The following EPHX2 variants were observed in gnomAD, a reference collection of about 807,000 sequenced individuals.
EPHX2 encodes epoxide hydrolase 2, also known as bifunctional epoxide hydrolase 2.
In EPHX2, 74 loss-of-function variants were observed where a neutral mutation model predicts 78.7. The observed-to-expected ratio is 0.94, with a 90% CI of 0.78 to 1.14. EPHX2 has a LOEUF of 1.14. EPHX2 is among the 50% of genes most tolerant of loss of function. The probability of loss-of-function intolerance (pLI) is 0.00; values close to 1 mark genes in which losing one functional copy is unlikely to be tolerated. For missense variants in EPHX2, 715 were observed against 702.5 expected (o/e 1.02, Z -0.20); for synonymous variants, 251 against 255.2 (o/e 0.98, Z 0.16).
Position 27,505,101 on chromosome 8 carries a change from G to T in EPHX2, c.492G>T (p.Gln164His). 6.2e-7 allele frequency: 1 copy of T among 1,614,110 alleles called. No homozygotes were observed. The highest frequency in any genetic ancestry group is 8.5e-7 in the Non-Finnish European group (1 of 1,180,014). ...CQVGMVKPEP[Q>H]IYKFLLDTLK... ...TGGGAATGGTCAAACCTGAACCTCA[G>T]ATCTACAAGTTTCTGCTGGACACCC... The change falls in exon 4 of 19, where the codon CAG becomes CAT. Residue 164 changes from glutamine (Q) to histidine (H), a missense_variant. By Grantham distance (24) the Gln-to-His change is conservative. Coordinates refer to ENST00000521400, the MANE Select transcript of EPHX2 (RefSeq NM_001979.6).
At chr8:27,538,847 C>A (rs1270345614) in intron 14 of EPHX2, 155 bp downstream of exon 14, 1 of 757,006 alleles carries the variant, frequency 1.3e-6, no homozygotes, top group Non-Finnish European at 2.3e-6. Context: ...AGGGCTGACT[C>A]TAACCCCAGG....
At chr8:27,492,828 T>G (rs1813429828) in intron 1 of EPHX2, 1 of 153,196 alleles carries the variant, frequency 6.5e-6, no homozygotes, top group Non-Finnish European at 1.5e-5. Flanking sequence ...GACAGGAAAG[T>G]TCCCCAAGTC....
rs375398506 is a variant in EPHX2, at chr8:27,491,265, G to T, written c.57G>T (p.Val19=). ...ACGGGGTGCTGGCGCTGCCAGCGGT[G>T]TTCGGCGTCCTCGGCCGCACGGAGG... ...DLDGVLALPA[V]FGVLGRTEEA... is the part of the protein sequence containing the mutation. Residue 19 remains valine, a synonymous_variant, in exon 1 of 19, where the codon GTG becomes GTT. Coordinates refer to ENST00000521400, the MANE Select transcript of EPHX2 (RefSeq NM_001979.6). The T allele has an allele frequency of 1.2e-5, 19 of 1,581,878 alleles. No individual in the cohort carries two copies. The highest frequency in any genetic ancestry group is 1.5e-5 in the Non-Finnish European group (18 of 1,173,216).
chr8:27,526,749 A>G (rs1301791190), intron 12 of EPHX2, among the ~76,000 whole-genome samples: 1 of 152,010 alleles, frequency 6.6e-6, no homozygotes, highest in African/African-American at 2.4e-5. Context: ...TATTTAGCCC[A>G]TTAAAAAAAA....
chr8:27,508,946 CTTTTTTTTTTTTTT>C lies in EPHX2; in HGVS notation c.660+1966_660+1979del, dbSNP rs34748947. Among the ~76,000 whole-genome samples the C allele has an allele frequency of 6.2e-5, 4 of 64,406 alleles. No homozygotes were observed. In the Admixed American group the frequency reaches 6.7e-4, roughly 11 times the overall value. 42.3% of individuals were successfully genotyped at this position (64,406 alleles called of 152,430 possible). A position where few individuals can be genotyped will look rare whatever the true frequency, so the allele number is the denominator to read the frequency against. On this transcript the variant is annotated intron_variant, in intron 5 of 18. Coordinates refer to ENST00000521400, the MANE Select transcript of EPHX2 (RefSeq NM_001979.6). ...CTGGCCCCTGGCAACCCCCATCCTG[CTTTTTTTTTTTTTT>C]TTTTTTTTTTTTTGCTAGGGCTGTG...
intron 6 of EPHX2, 52 bp downstream of exon 6, chr8:27,511,962 T>C (rs765967418): frequency 6.4e-7 from 1 of 1,564,816 alleles, no homozygotes; most frequent in Non-Finnish European, 8.8e-7. Flanking sequence ...CCAGGTCACC[T>C]AAAACGACCA....
rs756108612 is a variant in EPHX2, at chr8:27,491,176, C to A, written c.-33C>A. ...CTTCGCGCATCTCCCAGGTTAGCTG[C>A]GTGTCCGGGTGCTAGGCTGCAGACC... On this transcript the variant is annotated 5_prime_UTR_variant, in exon 1 of 19. Transcript: ENST00000521400. 8.4e-6 allele frequency: 13 copies of A among 1,548,106 alleles called. No homozygotes were observed. In the South Asian group the frequency reaches 1.4e-4, roughly 17 times the overall value.
chr8:27,512,140 A>C lies in EPHX2; in HGVS notation c.735+230A>C, dbSNP rs576658178. ...AAAAGGACCAGCAGTGACATTTGTT[A>C]AATATCGAGGGTGGTTGAACATCCA... On this transcript the variant is annotated intron_variant, in intron 6 of 18. Coordinates refer to ENST00000521400, the MANE Select transcript of EPHX2 (RefSeq NM_001979.6). 9.8e-6 allele frequency: 5 copies of C among 510,246 alleles called. No homozygotes were observed. In the South Asian group the frequency reaches 1.2e-4, roughly 12 times the overall value. 31.6% of individuals were successfully genotyped at this position (510,246 alleles called of 1,614,324 possible). A position where few individuals can be genotyped will look rare whatever the true frequency, so the allele number is the denominator to read the frequency against.
chr8:27,520,741 T>A, intron 9 of EPHX2, 142 bp from the exon 10 acceptor site: 1 of 970,976 alleles, frequency 1.0e-6, no homozygotes. Flanking sequence ...AGGCTGTATC[T>A]TCAAAAACAG....
intron 6 of EPHX2, among the ~76,000 whole-genome samples, chr8:27,512,367 A>G (rs547815920): frequency 8.1e-4 from 124 of 152,350 alleles, no homozygotes; most frequent in African/African-American, 2.9e-3. Context: ...GTTTTCATTC[A>G]ACAGGCATTT....
In EPHX2 at chr8:27,538,660, G is replaced by C. The variant is rs747424533; in HGVS notation, c.1244G>C (p.Ser415Thr). ...FKSLFRASDE[S>T]VLSMHKVCEA... ...AACTCTTTTCTTTTCTTCCTTCAGA[G>C]TGTTTTATCCATGCATAAAGTCTGT... The change falls in exon 14 of 19, where the codon AGT becomes ACT. Residue 415 changes from serine (S) to threonine (T), a missense_variant and splice_region_variant. Ser to Thr is a moderately conservative substitution (Grantham distance 58). Transcript: ENST00000521400. 17 of 1,612,128 alleles carry C rather than the reference G, an allele frequency of 1.1e-5. No individual in the cohort carries two copies. The highest frequency in any genetic ancestry group is 1.7e-5 in the Admixed American group (1 of 59,794).
intron 1 of EPHX2, among the ~76,000 whole-genome samples, chr8:27,492,553 G>A (rs766144867): frequency 6.6e-5 from 10 of 152,136 alleles, no homozygotes; most frequent in East Asian, 5.8e-4. Flanking sequence ...TAAAGATGGC[G>A]CAGACCCAAA....
At position 27,515,763 on chromosome 8, in the gene EPHX2, G is replaced by T. The variant is rs375423583; in HGVS notation, c.781G>T (p.Val261Leu). 3.7e-6 allele frequency: 6 copies of T among 1,614,154 alleles called. No homozygotes were observed. In the South Asian group the frequency reaches 6.6e-5, roughly 18 times the overall value. The part of the protein sequence containing the change: ...HFVELGSGPA[V>L]CLCHGFPESW... ...TGTGGAGCTGGGCTCCGGCCCTGCT[G>T]TGTGCCTCTGCCATGGATTTCCCGA... Residue 261 changes from valine to leucine, a missense_variant, in exon 7 of 19, where the codon GTG becomes TTG. Transcript: ENST00000521400.
chr8:27,533,570 G>T (rs1349881091), intron 12 of EPHX2, among the ~76,000 whole-genome samples: 1 of 152,134 alleles, frequency 6.6e-6, no homozygotes, highest in East Asian at 1.9e-4. Flanking sequence ...TGAGTGAACA[G>T]ATTTATTTAC....
At position 27,545,362 on chromosome 8, in the gene EPHX2, A is replaced by C. The variant is rs1585229682; in HGVS notation, c.*840A>C. On this transcript the variant is annotated 3_prime_UTR_variant, in exon 19 of 19. Coordinates refer to ENST00000521400, the MANE Select transcript of EPHX2 (RefSeq NM_001979.6). ...CCTCTACCCTCTCCTGCCTCCTGTCACATCCGGTTAGGCTCCCATCTCACT... is the reference window on the plus strand; with the variant it reads ...CCTCTACCCTCTCCTGCCTCCTGTCCCATCCGGTTAGGCTCCCATCTCACT... The C allele has an allele frequency of 1.3e-5, 2 of 151,250 alleles. No individual in the cohort carries two copies. Among genetic ancestry groups the C allele is most frequent in the South Asian group, 4.2e-4 (2 of 4,766 alleles). 9.4% of individuals were successfully genotyped at this position (151,250 alleles called of 1,614,324 possible).
intron 1 of EPHX2, among the ~76,000 whole-genome samples, chr8:27,498,052 A>G (rs1189577750): frequency 1.3e-5 from 2 of 152,252 alleles, no homozygotes; most frequent in Non-Finnish European, 2.9e-5. Context: ...TGATCTAACA[A>G]TAGCATGACA....
downstream of EPHX2, among the ~76,000 whole-genome samples, chr8:27,546,449 C>G (rs1383138355): frequency 2.0e-5 from 3 of 152,176 alleles, no homozygotes; most frequent in African/African-American, 4.8e-5. Context: ...CCACCACCAT[C>G]TCAATCTTTT....
intron 12 of EPHX2, among the ~76,000 whole-genome samples, chr8:27,531,627 A>G (rs1042441957): frequency 6.6e-6 from 1 of 151,774 alleles, no homozygotes; most frequent in Non-Finnish European, 1.5e-5. Flanking sequence ...CTTCACCTCC[A>G]CTCCTGGATG....
chr8:27,510,484 G>A (rs568467705), intron 5 of EPHX2, among the ~76,000 whole-genome samples: 24 of 152,258 alleles, frequency 1.6e-4, no homozygotes, highest in Admixed American at 9.1e-4. Flanking sequence ...GGCACCTGCC[G>A]GTGGAAGGCT....
Sources: allele counts gnomAD v4.1 joint callset (sites outside exome capture counted in the v4.1 genomes callset), GRCh38; gene constraint gnomAD v4.1.1; transcripts MANE v1.5; gene names NCBI Gene and HGNC (gene_info 2026-07-23, HGNC 2026-07-21).